PPP2R5E: variants seen among roughly 807,000 people sequenced by gnomAD.
The protein encoded by PPP2R5E is serine/threonine-protein phosphatase 2A 56 kDa regulatory subunit epsilon isoform.
A neutral mutation model predicts 65.3 loss-of-function variants in PPP2R5E; 4 were observed. The observed-to-expected ratio is 0.06, with a 90% confidence interval of 0.03 to 0.14. PPP2R5E has a LOEUF of 0.14. Ranked by LOEUF, PPP2R5E falls within the 10% of genes least tolerant of loss-of-function variation. The probability of loss-of-function intolerance (pLI) is 1.00; values close to 1 mark genes in which losing one functional copy is unlikely to be tolerated. For missense variants in PPP2R5E, 274 were observed against 556.1 expected (o/e 0.49, Z 5.10); for synonymous variants, 183 against 187.4 (o/e 0.98, Z 0.19).
intron 5 of PPP2R5E, among the ~76,000 whole-genome samples, chr14:63,409,462 C>T (rs780085731): frequency 6.6e-6 from 1 of 152,038 alleles, no homozygotes; most frequent in Non-Finnish European, 1.5e-5. Context: ...TACATTCTAT[C>T]AATGCGGGCA....
chr14:63,474,651 G>A (rs1163493709), intron 2 of PPP2R5E, among the ~76,000 whole-genome samples: 1 of 114,596 alleles, frequency 8.7e-6, no homozygotes, highest in African/African-American at 3.4e-5. Flanking sequence ...TCCAGCCTGG[G>A]CAATAGAGTG....
intron 2 of PPP2R5E, among the ~76,000 whole-genome samples, chr14:63,474,666 C>A (rs547382896): frequency 2.9e-5 from 3 of 104,170 alleles, no homozygotes; most frequent in Non-Finnish European, 3.6e-5. Flanking sequence ...AGAGTGATAC[C>A]CCATCTCAAA....
chr14:63,456,337 C>CA (rs1425837093), intron 2 of PPP2R5E, among the ~76,000 whole-genome samples: 1 of 152,122 alleles, frequency 6.6e-6, no homozygotes, highest in Non-Finnish European at 1.5e-5. Flanking sequence ...CTTAGCAGTT[C>CA]AAAAAATTTA....
At chr14:63,471,237 A>T (rs1054589260) in intron 2 of PPP2R5E, among the ~76,000 whole-genome samples, 4 of 152,246 alleles carry the variant, frequency 2.6e-5, no homozygotes, top group African/African-American at 9.6e-5. Flanking sequence ...ATGGGCCAGA[A>T]GAACCTCATT....
At chr14:63,427,382 T>C (rs1887396850) in intron 3 of PPP2R5E, among the ~76,000 whole-genome samples, 1 of 152,162 alleles carries the variant, frequency 6.6e-6, no homozygotes, top group Non-Finnish European at 1.5e-5. Flanking sequence ...TATTTTAAAC[T>C]ACACTGGTGT....
chr14:63,450,044 T>A (rs1159635493), intron 3 of PPP2R5E, among the ~76,000 whole-genome samples: 1 of 151,912 alleles, frequency 6.6e-6, no homozygotes, highest in African/African-American at 2.4e-5. Flanking sequence ...CCAGGCTAAT[T>A]TTTGTATTTT....
intron 2 of PPP2R5E, among the ~76,000 whole-genome samples, chr14:63,470,723 TAAAA>T (rs35190574): frequency 1.6e-5 from 2 of 124,524 alleles, no homozygotes; most frequent in African/African-American, 2.7e-5. Flanking sequence ...ATCAACAGAT[TAAAA>T]AAAAAAAAAA....
chr14:63,503,027 G>A (rs933809416), intron 2 of PPP2R5E, among the ~76,000 whole-genome samples: 1 of 152,188 alleles, frequency 6.6e-6, no homozygotes, highest in Admixed American at 6.5e-5. Flanking sequence ...AACCTCTGAA[G>A]TTGCACATGG....
intron 5 of PPP2R5E, among the ~76,000 whole-genome samples, chr14:63,408,940 CAA>C (rs1454379421): frequency 7.2e-5 from 11 of 152,014 alleles, no homozygotes; most frequent in Admixed American, 5.9e-4. Flanking sequence ...ACCAAAAATA[CAA>C]AAATTAGGGC....
At chr14:63,390,818 T>C (rs1425141910) in intron 10 of PPP2R5E, among the ~76,000 whole-genome samples, 1 of 152,218 alleles carries the variant, frequency 6.6e-6, no homozygotes, top group Non-Finnish European at 1.5e-5. Flanking sequence ...ATTTTCCACA[T>C]GGTTGCTAAC....
intron 2 of PPP2R5E, among the ~76,000 whole-genome samples, chr14:63,494,931 T>C (rs140696910): frequency 0.068 from 10,355 of 151,634 alleles, 489 homozygotes; most frequent in African/African-American, 0.13. Flanking sequence ...AGGCCAGGCA[T>C]GGTGGCTCAT....
intron 2 of PPP2R5E, among the ~76,000 whole-genome samples, chr14:63,456,248 A>G (rs1889124831): frequency 6.6e-6 from 1 of 152,222 alleles, no homozygotes; most frequent in Non-Finnish European, 1.5e-5. Context: ...CTTTCCTCCT[A>G]AAGTACATCA....
chr14:63,393,865 C>T lies in PPP2R5E; in HGVS notation c.804G>A (p.Leu268=), dbSNP rs1288330443. Reference sequence around the variant, plus strand: ...AGCTCCTGACAGTGTGTAAAGGGATCAATACTTTCACCAGAAACTGTTTGT... The same window carrying T: ...AGCTCCTGACAGTGTGTAAAGGGATTAATACTTTCACCAGAAACTGTTTGT... The part of the protein sequence containing the change: ...AEHKQFLVKV[L]IPLHTVRSLS... The change falls in exon 8 of 14, where the codon TTG becomes TTA. Residue 268 remains leucine (L), a synonymous_variant. Transcript: ENST00000337537. 2 of 1,611,504 alleles carry T rather than the reference C, an allele frequency of 1.2e-6. No individual in the cohort carries two copies. Among genetic ancestry groups the T allele is most frequent in the South Asian group, 2.2e-5 (2 of 91,032 alleles).
chr14:63,485,358 C>T (rs1309447273), intron 2 of PPP2R5E, among the ~76,000 whole-genome samples: 1 of 152,186 alleles, frequency 6.6e-6, no homozygotes, highest in Admixed American at 6.5e-5. Flanking sequence ...CCTGCCTCAG[C>T]CTCCAGAGTA....
intron 13 of PPP2R5E, among the ~76,000 whole-genome samples, 192 bp downstream of exon 13, chr14:63,381,864 T>A (rs541379953): frequency 2.0e-5 from 3 of 152,244 alleles, no homozygotes; most frequent in Non-Finnish European, 2.9e-5. Context: ...TACTGTATAC[T>A]TATGATGTTC....
chr14:63,420,553 G>A (rs1250430269), intron 4 of PPP2R5E, among the ~76,000 whole-genome samples: 1 of 152,178 alleles, frequency 6.6e-6, no homozygotes, highest in Non-Finnish European at 1.5e-5. Flanking sequence ...ACACGCCTGA[G>A]TAAGAGCTGA....
chr14:63,374,871 C>G lies in PPP2R5E; in HGVS notation c.*1138G>C, dbSNP rs546400223. ...AGGAATATGCATCCAATTCAGAATG[C>G]ATAATAATGTTTATCCTGAATCCTT... On this transcript the variant is annotated 3_prime_UTR_variant, in exon 14 of 14. Transcript: ENST00000337537. The G allele has an allele frequency of 1.2e-4, 18 of 152,160 alleles. No individual in the cohort carries two copies. Among genetic ancestry groups the G allele is most frequent in the African/African-American group, 4.4e-4 (18 of 41,318 alleles). 9.4% of individuals were successfully genotyped at this position (152,160 alleles called of 1,614,324 possible).
rs1884536164 is a variant in PPP2R5E, at chr14:63,384,379, A to G, written c.1202+65T>C. ...ACAAGGACAGCATCTGGCACATAAT[A>G]AGGCTGAAGGGAAAGAAAGAGAGGA... is the stretch of plus-strand genomic sequence containing the variant. On this transcript the variant is annotated intron_variant, in intron 12 of 13. Transcript: ENST00000337537. The G allele has an allele frequency of 2.6e-6, 4 of 1,547,630 alleles. No individual in the cohort carries two copies. In the South Asian group the frequency reaches 4.5e-5, roughly 17 times the overall value.
intron 2 of PPP2R5E, among the ~76,000 whole-genome samples, chr14:63,496,166 G>A (rs751646282): frequency 3.3e-5 from 5 of 152,072 alleles, no homozygotes; most frequent in African/African-American, 7.2e-5. Flanking sequence ...GGTGTTCACC[G>A]TTTATCCAGC....
Sources: allele counts gnomAD v4.1 joint callset (sites outside exome capture counted in the v4.1 genomes callset), GRCh38; gene constraint gnomAD v4.1.1; transcripts MANE v1.5; gene names NCBI Gene and HGNC (gene_info 2026-07-23, HGNC 2026-07-21).